The following CADM2 variants were observed in gnomAD, a reference collection of about 807,000 sequenced individuals.
CADM2 encodes immunoglobulin superfamily member 4D.
Under a neutral mutation model 49.8 loss-of-function variants are expected in CADM2, and 12 were observed. The observed-to-expected ratio is 0.24, with a 90% confidence interval of 0.15 to 0.39. CADM2 has a LOEUF of 0.39. Among genes scored for constraint, CADM2 ranks in the 10% least tolerant of loss-of-function variants. CADM2 has a pLI of 1.00. For missense variants in CADM2, 378 were observed against 492.3 expected, an observed-to-expected ratio of 0.77 and a Z score of 2.20; for synonymous variants, 214 against 175.4, an observed-to-expected ratio of 1.22 and a Z score of -1.74.
chr3:85,163,910 G>GT (rs1403098827), intron 1 of CADM2, among the ~76,000 whole-genome samples: 2 of 151,986 alleles, frequency 1.3e-5, no homozygotes, highest in Non-Finnish European at 2.9e-5. Context: ...ACCATTAGTA[G>GT]TAATTCCTCA....
intron 1 of CADM2, among the ~76,000 whole-genome samples, chr3:84,991,010 C>T (rs898164162): frequency 6.6e-6 from 1 of 151,970 alleles, no homozygotes; most frequent in African/African-American, 2.4e-5. Flanking sequence ...CAAAAGAACC[C>T]TATCACAACT....
intron 2 of CADM2, among the ~76,000 whole-genome samples, chr3:85,727,711 G>A (rs567975534): frequency 1.3e-5 from 2 of 152,244 alleles, no homozygotes; most frequent in South Asian, 4.1e-4. Context: ...ACCAGCTCCA[G>A]GGTACAGCAT....
chr3:84,995,171 G>A (rs1371220529), intron 1 of CADM2, among the ~76,000 whole-genome samples: 2 of 152,280 alleles, frequency 1.3e-5, no homozygotes, highest in East Asian at 1.9e-4. Flanking sequence ...ATTTGAGGCA[G>A]CATGGTATAA....
intron 8 of CADM2, among the ~76,000 whole-genome samples, chr3:86,044,917 G>A (rs968830710): frequency 6.6e-6 from 1 of 152,094 alleles, no homozygotes. Context: ...TAGGGACATG[G>A]ATGAAGCTGG....
At chr3:85,441,554 A>G (rs755964634) in intron 1 of CADM2, among the ~76,000 whole-genome samples, 1 of 152,100 alleles carries the variant, frequency 6.6e-6, no homozygotes, top group Non-Finnish European at 1.5e-5. Context: ...AAAGATAAAT[A>G]TGAAATTGAT....
At chr3:85,012,727 T>TTA (rs1485014513) in intron 1 of CADM2, among the ~76,000 whole-genome samples, 5 of 151,088 alleles carry the variant, frequency 3.3e-5, no homozygotes, top group Non-Finnish European at 5.9e-5. Context: ...AATAACAATA[T>TTA]TATATATAAT....
At chr3:85,616,217 A>G (rs1429793820) in intron 1 of CADM2, among the ~76,000 whole-genome samples, 2 of 151,368 alleles carry the variant, frequency 1.3e-5, no homozygotes, top group African/African-American at 4.8e-5. Flanking sequence ...TAGAATAAAA[A>G]CTGTTTACAA....
At chr3:85,707,498 C>T (rs946059825) in intron 1 of CADM2, among the ~76,000 whole-genome samples, 1 of 137,522 alleles carries the variant, frequency 7.3e-6, no homozygotes, top group Non-Finnish European at 1.6e-5. Flanking sequence ...GTCTGTATTT[C>T]TTTTTATTTA....
At chr3:85,853,165 AGAAGTTCTAGAT>A (rs2108297289) in intron 3 of CADM2, among the ~76,000 whole-genome samples, 1 of 151,918 alleles carries the variant, frequency 6.6e-6, no homozygotes, top group Non-Finnish European at 1.5e-5. Flanking sequence ...AACCATAAGT[AGAAGTTCTAGAT>A]GACTGAGCAG....
chr3:85,090,771 C>T (rs946336152), intron 1 of CADM2, among the ~76,000 whole-genome samples: 3 of 152,104 alleles, frequency 2.0e-5, no homozygotes, highest in Non-Finnish European at 4.4e-5. Flanking sequence ...AAGTGCAAAC[C>T]CTACTGTCAA....
chr3:85,638,634 A>AT (rs1306579207), intron 1 of CADM2, among the ~76,000 whole-genome samples: 2 of 152,012 alleles, frequency 1.3e-5, no homozygotes, highest in African/African-American at 4.8e-5. Flanking sequence ...TACTAAGGTT[A>AT]TTTTTTTAAA....
intron 2 of CADM2, among the ~76,000 whole-genome samples, chr3:85,774,290 A>G (rs182120804): frequency 1.8e-3 from 277 of 151,966 alleles, no homozygotes; most frequent in Non-Finnish European, 3.2e-3. Context: ...TCTTAAATTT[A>G]ATGTTGATAG....
chr3:85,968,179 T>C (rs187952807), intron 8 of CADM2, among the ~76,000 whole-genome samples: 1 of 151,614 alleles, frequency 6.6e-6, no homozygotes, highest in Non-Finnish European at 1.5e-5. Context: ...TCTTCTTTAA[T>C]CGCTGAGATA....
At chr3:85,396,909 G>A (rs1266107418) in intron 1 of CADM2, among the ~76,000 whole-genome samples, 1 of 151,922 alleles carries the variant, frequency 6.6e-6, no homozygotes, top group Non-Finnish European at 1.5e-5. Context: ...AGATAAATTG[G>A]TCTTCATCAA....
intron 1 of CADM2, among the ~76,000 whole-genome samples, chr3:85,427,193 TATATATA>T (rs2036452092): frequency 7.4e-6 from 1 of 135,282 alleles, no homozygotes; most frequent in African/African-American, 2.6e-5. Flanking sequence ...TATATATATA[TATATATA>T]TGTATAATAA....
intron 2 of CADM2, among the ~76,000 whole-genome samples, chr3:85,741,888 A>G (rs545617997): frequency 1.5e-3 from 231 of 152,360 alleles, no homozygotes; most frequent in African/African-American, 5.4e-3. Context: ...CATTTCATAA[A>G]TCAGTTGAAT....
chr3:85,008,337 C>T (rs1342641566), intron 1 of CADM2, among the ~76,000 whole-genome samples: 2 of 152,092 alleles, frequency 1.3e-5, no homozygotes, highest in Non-Finnish European at 2.9e-5. Flanking sequence ...ACTTTATTCC[C>T]AGTCAGAAGT....
At chr3:85,747,275 A>G (rs1464995784) in intron 2 of CADM2, among the ~76,000 whole-genome samples, 1 of 152,042 alleles carries the variant, frequency 6.6e-6, no homozygotes, top group Admixed American at 6.6e-5. Context: ...ATCTTACGAG[A>G]TGGAAATTAA....
intron 1 of CADM2, among the ~76,000 whole-genome samples, chr3:85,030,632 C>T (rs1163488273): frequency 6.6e-6 from 1 of 152,052 alleles, no homozygotes; most frequent in East Asian, 1.9e-4. Context: ...CCTTGAATTC[C>T]CTTGACCCTC....
Sources: gnomAD v4.1 joint callset for allele counts (sites outside exome capture counted in the v4.1 genomes callset) on GRCh38, gnomAD v4.1.1 for gene constraint, MANE v1.5 for transcripts, NCBI Gene and HGNC (gene_info 2026-07-23, HGNC 2026-07-21) for gene names.